P4HA2: variants seen among roughly 807,000 people sequenced by gnomAD.
The protein encoded by P4HA2 is prolyl 4-hydroxylase subunit alpha 2.
In P4HA2, 46 loss-of-function variants were observed where a neutral mutation model predicts 76.9. That is an observed-to-expected ratio of 0.60 (90% CI 0.47 to 0.76). The LOEUF (loss-of-function observed/expected upper bound fraction) is 0.76. Among genes scored for constraint, P4HA2 ranks in the 30% least tolerant of loss-of-function variants. The pLI, the probability that P4HA2 is intolerant of heterozygous loss-of-function variation, is 0.00. For synonymous variants in P4HA2, 243 were observed against 254.0 expected (o/e 0.96, Z 0.41); for missense variants, 583 against 669.4 (o/e 0.87, Z 1.42).
chr5:132,214,189 C>A, intron 4 of P4HA2, 136 bp from the exon 5 acceptor site: 1 of 809,566 alleles, frequency 1.2e-6, no homozygotes, highest in South Asian at 1.8e-5. Flanking sequence ...GCTGTTGCCC[C>A]CTTCCACCAG....
intron 1 of P4HA2, among the ~76,000 whole-genome samples, chr5:132,219,997 G>A (rs1396295044): frequency 2.0e-5 from 3 of 152,374 alleles, no homozygotes; most frequent in African/African-American, 7.2e-5. Context: ...CAGTCTTCCT[G>A]TCATAGTCTA....
rs200183523 is a variant in P4HA2 at position 132,203,765 on chromosome 5, T to C, written c.1234A>G (p.Thr412Ala). ...ATCTGTACCTGTAACAATTCTGCAG[T>C]CTTTACTGTTAACCCTGTGATATGC... ...MQHITGLTVK[T>A]AELLQVANYG... The change falls in exon 10 of 15, where the codon ACT becomes GCT. Residue 412 changes from threonine (T) to alanine (A), a missense_variant. Physicochemically the swap from Thr to Ala is moderately conservative, Grantham distance 58 (BLOSUM62 0). Coordinates refer to ENST00000360568, the MANE Select transcript of P4HA2 (RefSeq NM_001017974.2). The C allele has an allele frequency of 6.2e-7, 1 of 1,606,066 alleles. No individual in the cohort carries two copies. Among genetic ancestry groups the C allele is most frequent in the Non-Finnish European group, 8.5e-7 (1 of 1,172,592 alleles).
At chr5:132,217,073 G>T (rs1754005662) in intron 4 of P4HA2, 124 bp downstream of exon 4, 6 of 831,188 alleles carry the variant, frequency 7.2e-6, no homozygotes, top group East Asian at 2.6e-5. Flanking sequence ...AGACCAGCAG[G>T]GTCCTGTTTC....
chr5:132,197,304 C>A (rs922937336), intron 12 of P4HA2, among the ~76,000 whole-genome samples: 11 of 152,092 alleles, frequency 7.2e-5, no homozygotes, highest in African/African-American at 2.7e-4. Context: ...TAGCACTGGG[C>A]CCATCAAAAA....
At chr5:132,218,493 C>A in intron 2 of P4HA2, 52 bp downstream of exon 2, 1 of 1,242,896 alleles carries the variant, frequency 8.0e-7, no homozygotes. Flanking sequence ...CAGAGACATC[C>A]GTGGCATGTG....
At chr5:132,221,308 A>C (rs1239256887) in intron 1 of P4HA2, among the ~76,000 whole-genome samples, 1 of 152,226 alleles carries the variant, frequency 6.6e-6, no homozygotes. Context: ...ACAAAGTGAC[A>C]TCTTGAGCAG....
Position 132,214,013 on chromosome 5 carries a change from G to A in P4HA2, c.372C>T (p.Pro124=). 6.2e-7 allele frequency: 1 copy of A among 1,614,018 alleles called. No homozygotes were observed. Among genetic ancestry groups the A allele is most frequent in the Non-Finnish European group, 8.5e-7 (1 of 1,179,876 alleles). ...ANLSVQRQFF[P]TDEDEIGAAK... The stretch of plus-strand genomic sequence containing the variant: ...CAGCTCCTATCTCGTCCTCATCAGT[G>A]GGGAAGAACTGCCGCTGCACAGAGA... Residue 124 remains proline (P), a synonymous_variant, in exon 5 of 15, where the codon CCC becomes CCT. Coordinates refer to ENST00000360568, the MANE Select transcript of P4HA2 (RefSeq NM_001017974.2).
Position 132,207,817 on chromosome 5 carries a change from A to G in P4HA2, c.971T>C (p.Ile324Thr), listed in dbSNP as rs1264808633. The part of the protein sequence containing the change: ...HHGNRAPQLL[I>T]APFKEEDEWD... The stretch of plus-strand genomic sequence containing the variant: ...CTCGTCCTCCTCTTTGAAGGGGGCA[A>G]TGAGCAGCTGTGGGGCCCTGTTGCC... Residue 324 changes from isoleucine (I) to threonine (T), a missense_variant, in exon 8 of 15, where the codon ATT becomes ACT. Ile to Thr is a moderately conservative substitution (Grantham distance 89). Coordinates refer to ENST00000360568, the MANE Select transcript of P4HA2 (RefSeq NM_001017974.2). The G allele has an allele frequency of 1.2e-6, 2 of 1,611,866 alleles. No homozygotes were observed. Among genetic ancestry groups the G allele is most frequent in the East Asian group, 2.2e-5 (1 of 44,822 alleles).
chr5:132,206,871 C>T (rs1221650066), intron 8 of P4HA2, among the ~76,000 whole-genome samples: 2 of 152,066 alleles, frequency 1.3e-5, no homozygotes, highest in African/African-American at 2.4e-5. Flanking sequence ...ATCCAGGCAA[C>T]CAAAGAGAAA....
chr5:132,216,015 A>T (rs1017303087), intron 4 of P4HA2, among the ~76,000 whole-genome samples: 1 of 151,258 alleles, frequency 6.6e-6, no homozygotes, highest in African/African-American at 2.4e-5. Flanking sequence ...CCAAAAAAAA[A>T]TTAGCTGGGC....
At chr5:132,207,105 T>A (rs1358378779) in intron 8 of P4HA2, among the ~76,000 whole-genome samples, 1 of 152,224 alleles carries the variant, frequency 6.6e-6, no homozygotes, top group Admixed American at 6.5e-5. Context: ...GTAAAATCAA[T>A]AGTTTGGCAT....
chr5:132,197,748 T>A (rs770467501), intron 12 of P4HA2, among the ~76,000 whole-genome samples: 1 of 151,132 alleles, frequency 6.6e-6, no homozygotes, highest in African/African-American at 2.4e-5. Context: ...GTAACCAAAA[T>A]CACAGCGACA....
At position 132,192,725 on chromosome 5, in the gene P4HA2, C is replaced by T; in HGVS notation, c.*285G>A. 1 of 357,600 alleles carries T rather than the reference C, an allele frequency of 2.8e-6. No homozygotes were observed. The highest frequency in any genetic ancestry group is 5.1e-6 in the Non-Finnish European group (1 of 197,408). 22.2% of individuals were successfully genotyped at this position (357,600 alleles called of 1,614,324 possible). ...AACTTTGGTTCACTGAAACATCTCA[C>T]ACCTAAAACACCTGAGGTACAAAGG... is the stretch of plus-strand genomic sequence containing the variant. On this transcript the variant is annotated 3_prime_UTR_variant, in exon 15 of 15. Transcript: ENST00000360568.
intron 8 of P4HA2, 72 bp from the exon 9 acceptor site, chr5:132,204,224 A>C: frequency 4.9e-6 from 6 of 1,218,024 alleles, no homozygotes; most frequent in Non-Finnish European, 7.3e-6. Context: ...TTTCCCAGAG[A>C]GCACTGGGAC....
In P4HA2 at chr5:132,191,329, G is replaced by A. The variant is rs910501296; in HGVS notation, c.*1681C>T. 2.6e-5 allele frequency among the ~76,000 whole-genome samples: 4 copies of A among 151,828 alleles called. No homozygotes were observed. The South Asian group carries it at 6.3e-4, about 24-fold the overall frequency. Reference sequence around the variant, plus strand: ...AGATCGAGACCATCCCGGCTAAAACGGTGAAACCCCGTCTCTACTAAAAAT... The same window carrying A: ...AGATCGAGACCATCCCGGCTAAAACAGTGAAACCCCGTCTCTACTAAAAAT... On this transcript the variant is annotated 3_prime_UTR_variant, in exon 15 of 15. Coordinates refer to ENST00000360568, the MANE Select transcript of P4HA2 (RefSeq NM_001017974.2).
chr5:132,198,212 TAAGA>T, intron 12 of P4HA2, 105 bp downstream of exon 12: 1 of 1,614,180 alleles, frequency 6.2e-7, no homozygotes, highest in South Asian at 1.1e-5. Flanking sequence ...TCACGTAGTT[TAAGA>T]AAGTAGCCAC....
In P4HA2 at chr5:132,203,769, T is replaced by C. The variant is rs144253110; in HGVS notation, c.1230A>G (p.Val410=). The change falls in exon 10 of 15, where the codon GTA becomes GTG. Residue 410 remains valine (V), a synonymous_variant. Transcript: ENST00000360568. The part of the protein sequence containing the change: ...RRMQHITGLT[V]KTAELLQVAN... ...GTACCTGTAACAATTCTGCAGTCTT[T>C]ACTGTTAACCCTGTGATATGCTGCA... 1,482 of 1,609,202 alleles carry C rather than the reference T, an allele frequency of 9.2e-4. 1 individual carries two copies. The highest frequency in any genetic ancestry group is 1.2e-3 in the Non-Finnish European group (1,423 of 1,175,444).
rs148015566 is a variant in P4HA2 at position 132,217,657 on chromosome 5, G to T, written c.179+95C>A. The stretch of plus-strand genomic sequence containing the variant: ...GCCAGCCCCACATCACCCTCTCAAA[G>T]GTTTCCTCTTATAGGCACCCTGGAT... On this transcript the variant is annotated intron_variant, in intron 3 of 14. Transcript: ENST00000360568. 1.3e-4 allele frequency: 108 copies of T among 839,478 alleles called. 1 individual carries two copies. In the African/African-American group the frequency reaches 1.7e-3, roughly 13 times the overall value. The allele number at this position is 839,478 out of a possible 1,614,324, so 52.0% of individuals were successfully genotyped here. A position where few individuals can be genotyped will look rare whatever the true frequency, so the allele number is the denominator to read the frequency against.
chr5:132,217,714 A>G lies in P4HA2; in HGVS notation c.179+38T>C, dbSNP rs112546172. The G allele has an allele frequency of 1.1e-4, 136 of 1,257,162 alleles. No individual in the cohort carries two copies. The African/African-American group carries it at 1.7e-3, about 15-fold the overall frequency. 77.9% of individuals were successfully genotyped at this position (1,257,162 alleles called of 1,614,324 possible). A position where few individuals can be genotyped will look rare whatever the true frequency, so the allele number is the denominator to read the frequency against. On this transcript the variant is annotated intron_variant, in intron 3 of 14. Coordinates refer to ENST00000360568, the MANE Select transcript of P4HA2 (RefSeq NM_001017974.2). ...CTTGTTCCTTGAGGGGCAGAAGGGA[A>G]GGAAGGCCAACTAAGGATGGTTGGG...
Sources: allele counts gnomAD v4.1 joint callset (sites outside exome capture counted in the v4.1 genomes callset), GRCh38; gene constraint gnomAD v4.1.1; transcripts MANE v1.5; gene names NCBI Gene and HGNC (gene_info 2026-07-23, HGNC 2026-07-21).